GAB4: variants seen among roughly 807,000 people sequenced by gnomAD.
GAB4 encodes GRB2 associated binding protein family member 4, also known as GRB2-associated-binding protein 4.
A neutral mutation model predicts 51.3 loss-of-function variants in GAB4; 26 were observed. That is an observed-to-expected ratio of 0.51 (90% confidence interval 0.37 to 0.70). The LOEUF is 0.70. GAB4 is among the 30% of genes least tolerant of loss of function. The pLI is 0.00. For synonymous variants in GAB4, 329 were observed against 291.2 expected, an observed-to-expected ratio of 1.13 and a Z score of -1.32; for missense variants, 759 against 734.6, an observed-to-expected ratio of 1.03 and a Z score of -0.38.
intron 1 of GAB4, among the ~76,000 whole-genome samples, chr22:17,001,465 C>T (rs952595881): frequency 6.6e-6 from 1 of 152,164 alleles, no homozygotes; most frequent in Non-Finnish European, 1.5e-5. Context: ...ATGTAGTTCT[C>T]GTGCCATGAT....
chr22:16,964,897 G>C, intron 7 of GAB4, 35 bp from the exon 8 acceptor site: 1 of 1,540,666 alleles, frequency 6.5e-7, no homozygotes, highest in Non-Finnish European at 9.0e-7. Flanking sequence ...TACATCCTGG[G>C]TGGGGCTCAG....
Position 16,966,435 on chromosome 22 carries a change from C to T in GAB4, c.1024-71G>A. ...CAAGATAGGAATGAGAATTTCTAGA[C>T]AAGGCCAAAAAGAGTCATGACGGGG... is the stretch of plus-strand genomic sequence containing the variant. On this transcript the variant is annotated intron_variant, in intron 5 of 9. Coordinates refer to ENST00000400588, the MANE Select transcript of GAB4 (RefSeq NM_001037814.1). 3 of 1,485,028 alleles carry T rather than the reference C, an allele frequency of 2.0e-6. No individual in the cohort carries two copies. The African/African-American group carries it at 4.2e-5, about 21-fold the overall frequency. 92.0% of individuals were successfully genotyped at this position (1,485,028 alleles called of 1,614,324 possible). A position where few individuals can be genotyped will look rare whatever the true frequency, so the allele number is the denominator to read the frequency against.
chr22:16,967,105 T>G (rs1299409444), intron 5 of GAB4: 1 of 152,216 alleles, frequency 6.6e-6, no homozygotes, highest in Admixed American at 6.5e-5. Flanking sequence ...GGGGTCCAAC[T>G]ACAATTTGTG....
intron 3 of GAB4, among the ~76,000 whole-genome samples, chr22:16,972,285 G>C (rs1010358337): frequency 3.3e-5 from 5 of 152,200 alleles, no homozygotes; most frequent in Admixed American, 6.5e-5. Context: ...AGCCCTCCCT[G>C]GTGGTGGTCA....
intron 5 of GAB4, 179 bp from the exon 6 acceptor site, chr22:16,966,543 G>A: frequency 1.5e-6 from 1 of 661,226 alleles, no homozygotes; most frequent in Admixed American, 3.0e-5. Context: ...AAGTGCCCCA[G>A]CCAGGAACCC....
intron 3 of GAB4, among the ~76,000 whole-genome samples, chr22:16,977,998 A>G (rs2060793736): frequency 7.5e-6 from 1 of 132,714 alleles, no homozygotes; most frequent in Non-Finnish European, 1.7e-5. Context: ...ACAAAGACAC[A>G]ATGTACCACA....
chr22:16,997,669 C>T, intron 1 of GAB4, among the ~76,000 whole-genome samples: 1 of 152,154 alleles, frequency 6.6e-6, no homozygotes, highest in East Asian at 1.9e-4. Context: ...GCTATTTTGG[C>T]TTTTGTTGTC....
chr22:16,975,535 T>A (rs757473577), intron 3 of GAB4, among the ~76,000 whole-genome samples: 1 of 152,232 alleles, frequency 6.6e-6, no homozygotes, highest in African/African-American at 2.4e-5. Context: ...TAAAACCCCA[T>A]CTGCCTGGGA....
chr22:17,003,423 C>T (rs539939266), intron 1 of GAB4, among the ~76,000 whole-genome samples: 2 of 152,216 alleles, frequency 1.3e-5, no homozygotes, highest in South Asian at 4.2e-4. Context: ...AAATTGACTA[C>T]AAAATTGGAA....
At position 16,964,910 on chromosome 22, in the gene GAB4, C is replaced by T. The variant is rs2060659789; in HGVS notation, c.1380-48G>A. ...AGTACATCCTGGGTGGGGCTCAGGG[C>T]TGCTGTCAGGGCTCCAGCCTCCAGC... On this transcript the variant is annotated intron_variant, in intron 7 of 9. Coordinates refer to ENST00000400588, the MANE Select transcript of GAB4 (RefSeq NM_001037814.1). 4 of 1,443,596 alleles carry T rather than the reference C, an allele frequency of 2.8e-6. No homozygotes were observed. The Admixed American group carries it at 6.9e-5, about 25-fold the overall frequency. The allele number at this position is 1,443,596 out of a possible 1,614,324, so 89.4% of individuals were successfully genotyped here.
Position 16,966,368 on chromosome 22 carries a change from G to C in GAB4, c.1024-4C>G, listed in dbSNP as rs551938974. The C allele has an allele frequency of 6.2e-7, 1 of 1,607,532 alleles. No individual in the cohort carries two copies. Among genetic ancestry groups the C allele is most frequent in the Admixed American group, 1.7e-5 (1 of 59,832 alleles). On this transcript the variant is annotated splice_region_variant and splice_polypyrimidine_tract_variant and intron_variant, in intron 5 of 9. Transcript: ENST00000400588. ...GGCCCACAAGCGTTCTTCCTGGCTA[G>C]GAAGAGGACAGTGAAAGAAACACAG...
At chr22:16,974,436 CA>C (rs768914428) in intron 3 of GAB4, among the ~76,000 whole-genome samples, 1 of 152,186 alleles carries the variant, frequency 6.6e-6, no homozygotes. Flanking sequence ...CACTAGTGTG[CA>C]GGGTGCTTCC....
intron 1 of GAB4, among the ~76,000 whole-genome samples, chr22:17,005,228 T>A (rs569257734): frequency 6.6e-6 from 1 of 152,088 alleles, no homozygotes; most frequent in African/African-American, 2.4e-5. Context: ...GAGAGCCAAA[T>A]CATGAGTGAA....
At chr22:16,988,291 TG>T in intron 2 of GAB4, 124 bp from the exon 3 acceptor site, 1 of 716,954 alleles carries the variant, frequency 1.4e-6, no homozygotes, top group Non-Finnish European at 2.5e-6. Context: ...CTGCCTCCTC[TG>T]TCCTCCCAGA....
rs1187333988 is a variant in GAB4 at position 16,969,889 on chromosome 22, G to A, written c.937+54C>T. 3.7e-6 allele frequency: 6 copies of A among 1,605,878 alleles called. No individual in the cohort carries two copies. The East Asian group carries it at 8.9e-5, about 24-fold the overall frequency. ...GGAACACCACTATTGTTCACCAGGT[G>A]GCCCCCAAACTCCTGGAACAGGGTG... On this transcript the variant is annotated intron_variant, in intron 4 of 9. Transcript: ENST00000400588.
intron 1 of GAB4, among the ~76,000 whole-genome samples, chr22:17,003,478 G>A (rs2061014969): frequency 6.7e-6 from 1 of 149,128 alleles, no homozygotes; most frequent in Non-Finnish European, 1.5e-5. Context: ...AATCTTAACA[G>A]TTTCTTAGAC....
chr22:17,006,473 A>G (rs2061040824), intron 1 of GAB4, among the ~76,000 whole-genome samples: 1 of 152,208 alleles, frequency 6.6e-6, no homozygotes, highest in East Asian at 1.9e-4. Context: ...CAAGAACTAG[A>G]AATACCATTT....
At position 16,970,156 on chromosome 22, in the gene GAB4, T is replaced by G; in HGVS notation, c.724A>C (p.Ile242Leu). Residue 242 changes from isoleucine (I) to leucine (L), a missense_variant, in exon 4 of 10, where the codon ATC becomes CTC. This residue lies in a region of GAB4 where 588 missense variants were observed against 510.2 expected (regional missense o/e 1.15). Coordinates refer to ENST00000400588, the MANE Select transcript of GAB4 (RefSeq NM_001037814.1). Reference sequence around the variant, plus strand: ...TGCATGGCTGTGTTTCTCCTCATGATGAATGGGGCCTCAGAACCCTGGGAG... The same window carrying G: ...TGCATGGCTGTGTTTCTCCTCATGAGGAATGGGGCCTCAGAACCCTGGGAG... Reference protein sequence around the residue: ...SFSQGSEAPFIMRRNTAMQNL... With the variant: ...SFSQGSEAPFLMRRNTAMQNL... The G allele has an allele frequency of 6.2e-7, 1 of 1,614,024 alleles. No individual in the cohort carries two copies. The highest frequency in any genetic ancestry group is 2.2e-5 in the East Asian group (1 of 44,862).
chr22:16,997,184 G>GTATTTC (rs1390753659), intron 1 of GAB4, among the ~76,000 whole-genome samples: 2 of 152,098 alleles, frequency 1.3e-5, no homozygotes, highest in Non-Finnish European at 2.9e-5. Flanking sequence ...GGGTCAAATG[G>GTATTTC]TATTTCTAGT....
Sources: gnomAD v4.1 joint callset for allele counts (sites outside exome capture counted in the v4.1 genomes callset) on GRCh38, gnomAD v4.1.1 for gene constraint, gnomAD v4.1.1 regional missense constraint, MANE v1.5 for transcripts, NCBI Gene and HGNC (gene_info 2026-07-23, HGNC 2026-07-21) for gene names.